Variants in TNFRSF11A observed in about 807,000 individuals in gnomAD.
The protein encoded by TNFRSF11A is TNF receptor superfamily member 11a, also known as tumor necrosis factor receptor superfamily member 11A.
TNFRSF11A carries 32 observed loss-of-function variants against 55.7 expected under a neutral mutation model. The ratio of observed to expected loss-of-function variants is 0.57; its 90% confidence interval spans 0.43 to 0.77. The LOEUF is 0.77. TNFRSF11A is among the 30% of genes least tolerant of loss of function. The pLI, the probability that TNFRSF11A is intolerant of heterozygous loss-of-function variation, is 0.00. For synonymous variants in TNFRSF11A, 311 were observed against 331.0 expected (o/e 0.94, Z 0.65); for missense variants, 753 against 809.8 (o/e 0.93, Z 0.85).
chr18:62,342,690 A>G (rs541366684), intron 1 of TNFRSF11A, among the ~76,000 whole-genome samples: 67 of 152,338 alleles, frequency 4.4e-4, no homozygotes, highest in African/African-American at 1.5e-3. Context: ...CAGGAATGAT[A>G]GCCCAGAACA....
intron 1 of TNFRSF11A, among the ~76,000 whole-genome samples, chr18:62,335,194 G>A (rs190985483): frequency 2.0e-5 from 3 of 149,108 alleles, no homozygotes; most frequent in Non-Finnish European, 3.0e-5. Flanking sequence ...ACTGAACCTC[G>A]CTTCTCGGGT....
chr18:62,358,225 GTTTTT>G lies in TNFRSF11A; in HGVS notation c.428-12_428-8del, dbSNP rs71160827. On this transcript the variant is annotated intron_variant, in intron 4 of 9. Transcript: ENST00000586569. Reference sequence around the variant, plus strand: ...GTTTTTTGTTTGTTCTGTCTGGGTTGTTTTTTTTTTTTTTTCTCACAGTGCAGCTC... The same window carrying G: ...GTTTTTTGTTTGTTCTGTCTGGGTTGTTTTTTTTTTCTCACAGTGCAGCTC... 1.4e-6 allele frequency: 2 copies of G among 1,460,698 alleles called. No individual in the cohort carries two copies. Among genetic ancestry groups the G allele is most frequent in the Non-Finnish European group, 1.9e-6 (2 of 1,070,790 alleles). The allele number at this position is 1,460,698 out of a possible 1,614,324, so 90.5% of individuals were successfully genotyped here.
intron 1 of TNFRSF11A, among the ~76,000 whole-genome samples, chr18:62,338,860 G>A (rs1012251022): frequency 2.6e-5 from 4 of 152,012 alleles, no homozygotes; most frequent in Non-Finnish European, 4.4e-5. Flanking sequence ...TTTTAAAAAG[G>A]CATTCAAAGG....
intron 1 of TNFRSF11A, among the ~76,000 whole-genome samples, chr18:62,330,455 G>A (rs779686498): frequency 6.6e-6 from 1 of 152,178 alleles, no homozygotes; most frequent in Non-Finnish European, 1.5e-5. Context: ...GCAGGGAACC[G>A]AAGGAAGGAC....
At chr18:62,348,510 A>G (rs933678120) in intron 2 of TNFRSF11A, among the ~76,000 whole-genome samples, 1 of 152,190 alleles carries the variant, frequency 6.6e-6, no homozygotes, top group African/African-American at 2.4e-5. Context: ...CCAAAACACT[A>G]TTTCTCGAGA....
intron 1 of TNFRSF11A, among the ~76,000 whole-genome samples, chr18:62,339,150 CCCTT>C (rs1278214090): frequency 2.0e-5 from 3 of 152,166 alleles, no homozygotes; most frequent in African/African-American, 4.8e-5. Context: ...AAAAGACCCT[CCCTT>C]CCTTCTACAA....
Position 62,385,141 on chromosome 18 carries a change from A to G in TNFRSF11A, c.*107A>G, listed in dbSNP as rs1235399996. 7.9e-7 allele frequency: 1 copy of G among 1,258,724 alleles called. No homozygotes were observed. The highest frequency in any genetic ancestry group is 1.6e-5 in the African/African-American group (1 of 62,878). 78.0% of individuals were successfully genotyped at this position (1,258,724 alleles called of 1,614,324 possible). A position where few individuals can be genotyped will look rare whatever the true frequency, so the allele number is the denominator to read the frequency against. ...ACCCAGGGATCGATCGGTACAGTCG[A>G]GGAAGACCACCCGGCATTCTCTGCC... On this transcript the variant is annotated 3_prime_UTR_variant, in exon 10 of 10. Transcript: ENST00000586569.
At chr18:62,350,297 T>TA (rs2046447476) in intron 3 of TNFRSF11A, among the ~76,000 whole-genome samples, 4 of 152,216 alleles carry the variant, frequency 2.6e-5, no homozygotes, top group African/African-American at 9.6e-5. Flanking sequence ...TTTATTTATT[T>TA]TTTTAATTTA....
chr18:62,348,677 G>C (rs542401295), intron 2 of TNFRSF11A, among the ~76,000 whole-genome samples: 2 of 152,114 alleles, frequency 1.3e-5, no homozygotes, highest in South Asian at 2.1e-4. Flanking sequence ...AACCCTTGTC[G>C]TACCTTTTTC....
intron 1 of TNFRSF11A, among the ~76,000 whole-genome samples, chr18:62,335,781 G>T (rs1199401956): frequency 6.6e-6 from 1 of 152,224 alleles, no homozygotes; most frequent in Non-Finnish European, 1.5e-5. Context: ...GCTTGGGAGT[G>T]TGAATTTGAT....
intron 7 of TNFRSF11A, among the ~76,000 whole-genome samples, chr18:62,363,365 C>CTTTTTTT (rs386387923): frequency 9.4e-6 from 1 of 106,798 alleles, no homozygotes; most frequent in Non-Finnish European, 1.8e-5. Flanking sequence ...AGTGATGACC[C>CTTTTTTT]TTTTTTTTTT....
chr18:62,365,205 G>A (rs940794334), intron 7 of TNFRSF11A, among the ~76,000 whole-genome samples: 5 of 152,002 alleles, frequency 3.3e-5, no homozygotes, highest in African/African-American at 4.8e-5. Context: ...GAAGCGGTCC[G>A]CCCACCTCAG....
In TNFRSF11A at chr18:62,354,873, A is replaced by G. The variant is rs540900758; in HGVS notation, c.427+339A>G. Among the ~76,000 whole-genome samples, 3 of 152,312 alleles carry G rather than the reference A, an allele frequency of 2.0e-5. No individual in the cohort carries two copies. The East Asian group carries it at 5.8e-4, about 29-fold the overall frequency. ...TGCAGGGGTGATTGGACGTTTTTGA[A>G]AAGTGTGCACCCATTAGAATTTTGG... On this transcript the variant is annotated intron_variant, in intron 4 of 9. Transcript: ENST00000586569.
intron 1 of TNFRSF11A, among the ~76,000 whole-genome samples, chr18:62,327,043 G>A (rs2046085904): frequency 6.6e-6 from 1 of 152,138 alleles, no homozygotes. Context: ...TTTTGGGGCG[G>A]GTTTGGGGAG....
intron 1 of TNFRSF11A, among the ~76,000 whole-genome samples, chr18:62,339,718 C>T (rs2046284682): frequency 6.6e-6 from 1 of 152,212 alleles, no homozygotes; most frequent in South Asian, 2.1e-4. Flanking sequence ...GATACTTCCT[C>T]CTGTTAAACT....
intron 9 of TNFRSF11A, among the ~76,000 whole-genome samples, chr18:62,384,461 T>C (rs1911530525): frequency 7.2e-6 from 1 of 139,218 alleles, no homozygotes; most frequent in Non-Finnish European, 1.6e-5. Context: ...CTCCTCTTCC[T>C]AGCCCTCTCC....
Position 62,369,171 on chromosome 18 carries a change from T to G in TNFRSF11A, c.1254T>G (p.Ser418=), listed in dbSNP as rs34966542. The part of the protein sequence containing the change: ...LCRTDWTPMS[S]ENYLQKEVDS... ...GGACTGATTGGACTCCCATGTCCTC[T>G]GAAAACTACTTGCAAAAAGAGGTGG... is the stretch of plus-strand genomic sequence containing the variant. Residue 418 remains serine, a synonymous_variant, in exon 9 of 10, where the codon TCT becomes TCG. Transcript: ENST00000586569. 1.4e-4 allele frequency: 226 copies of G among 1,614,136 alleles called. 2 individuals carry two copies. The African/African-American group carries it at 2.9e-3, about 20-fold the overall frequency.
chr18:62,376,747 T>C (rs1175824918), intron 9 of TNFRSF11A, among the ~76,000 whole-genome samples: 1 of 152,204 alleles, frequency 6.6e-6, no homozygotes, highest in Admixed American at 6.5e-5. Flanking sequence ...CCTTCCTCTC[T>C]CTGAACTTCT....
chr18:62,374,458 C>T (rs1310672463), intron 9 of TNFRSF11A, among the ~76,000 whole-genome samples: 2 of 152,106 alleles, frequency 1.3e-5, no homozygotes, highest in African/African-American at 4.8e-5. Flanking sequence ...TTAAAAAATT[C>T]CAAAAGAACC....
Sources: gnomAD v4.1 joint callset for allele counts (sites outside exome capture counted in the v4.1 genomes callset) on GRCh38, gnomAD v4.1.1 for gene constraint, MANE v1.5 for transcripts, NCBI Gene and HGNC (gene_info 2026-07-23, HGNC 2026-07-21) for gene names.